LUZP2: variants seen among roughly 807,000 people sequenced by gnomAD.
LUZP2 encodes leucine zipper protein 2.
Under a neutral mutation model 51.6 loss-of-function variants are expected in LUZP2, and 52 were observed. The ratio of observed to expected loss-of-function variants is 1.01; its 90% confidence interval spans 0.81 to 1.27. The LOEUF is 1.27. Among genes scored for constraint, LUZP2 ranks in the 50% most tolerant of loss-of-function variants. The pLI is 0.00. For missense variants in LUZP2, 436 were observed against 395.4 expected (o/e 1.10, Z -0.87); for synonymous variants, 154 against 137.3 (o/e 1.12, Z -0.85).
At chr11:24,889,377 T>C (rs1852775876) in intron 5 of LUZP2, among the ~76,000 whole-genome samples, 2 of 152,188 alleles carry the variant, frequency 1.3e-5, no homozygotes, top group Non-Finnish European at 2.9e-5. Flanking sequence ...GCAAACGACA[T>C]TACCAGGTTC....
intron 1 of LUZP2, among the ~76,000 whole-genome samples, chr11:24,625,681 G>T (rs547285972): frequency 6.6e-6 from 1 of 150,946 alleles, no homozygotes; most frequent in East Asian, 1.9e-4. Context: ...AGAAATATTC[G>T]TTTGAAAAAT....
chr11:24,791,648 A>C (rs554887631), intron 5 of LUZP2, among the ~76,000 whole-genome samples: 1 of 152,094 alleles, frequency 6.6e-6, no homozygotes, highest in Non-Finnish European at 1.5e-5. Flanking sequence ...TTATAAACTA[A>C]ATTTTTCATT....
intron 1 of LUZP2, among the ~76,000 whole-genome samples, chr11:24,582,299 ATTTTTTTTTTT>A (rs67262111): frequency 1.8e-5 from 1 of 54,518 alleles, no homozygotes; most frequent in African/African-American, 7.0e-5. Flanking sequence ...TCCCTAGCTG[ATTTTTTTTTTT>A]TTTTTTTTTT....
chr11:24,683,253 C>A (rs1167055017), intron 1 of LUZP2, among the ~76,000 whole-genome samples: 1 of 152,124 alleles, frequency 6.6e-6, no homozygotes, highest in Non-Finnish European at 1.5e-5. Context: ...ACTTCTTGAG[C>A]AAAGACTAAA....
chr11:24,654,055 AT>A (rs1855722525), intron 1 of LUZP2, among the ~76,000 whole-genome samples: 1 of 152,220 alleles, frequency 6.6e-6, no homozygotes, highest in Non-Finnish European at 1.5e-5. Context: ...ATATAATCTT[AT>A]CTCTATTACT....
At chr11:24,720,758 G>A (rs1004535522) in intron 1 of LUZP2, among the ~76,000 whole-genome samples, 19 of 152,152 alleles carry the variant, frequency 1.2e-4, no homozygotes, top group Admixed American at 9.8e-4. Context: ...GAGTGCAGTG[G>A]CGCGATCTCG....
chr11:24,524,252 A>G (rs1331871708), intron 1 of LUZP2, among the ~76,000 whole-genome samples: 1 of 151,836 alleles, frequency 6.6e-6, no homozygotes, highest in Non-Finnish European at 1.5e-5. Flanking sequence ...GTAATTCAAG[A>G]CATAATCAAC....
At chr11:24,977,329 G>A (rs1470137521) in intron 8 of LUZP2, among the ~76,000 whole-genome samples, 2 of 151,518 alleles carry the variant, frequency 1.3e-5, no homozygotes, top group Non-Finnish European at 3.0e-5. Flanking sequence ...AGAATTATAT[G>A]TATAATATTT....
intron 4 of LUZP2, among the ~76,000 whole-genome samples, chr11:24,742,475 T>A (rs1445996017): frequency 1.3e-5 from 2 of 152,160 alleles, no homozygotes; most frequent in African/African-American, 2.4e-5. Flanking sequence ...TTTTTTCATA[T>A]GTTTATTTGC....
chr11:25,004,170 G>A (rs1343149052), intron 9 of LUZP2, among the ~76,000 whole-genome samples: 1 of 152,158 alleles, frequency 6.6e-6, no homozygotes, highest in East Asian at 1.9e-4. Context: ...CTGGTTGGGG[G>A]CTGCTGACCC....
intron 1 of LUZP2, among the ~76,000 whole-genome samples, chr11:24,598,734 G>T (rs1184050464): frequency 6.6e-6 from 1 of 152,166 alleles, no homozygotes; most frequent in Non-Finnish European, 1.5e-5. Flanking sequence ...CCAGGAATCA[G>T]TCTAGTTTTG....
At chr11:24,675,937 G>T (rs901962728) in intron 1 of LUZP2, among the ~76,000 whole-genome samples, 6 of 151,892 alleles carry the variant, frequency 4.0e-5, no homozygotes, top group African/African-American at 1.5e-4. Context: ...TCATGCCTCA[G>T]CTTCCTGAGC....
intron 10 of LUZP2, among the ~76,000 whole-genome samples, chr11:25,054,060 C>T (rs1858605849): frequency 6.6e-6 from 1 of 152,188 alleles, no homozygotes; most frequent in African/African-American, 2.4e-5. Flanking sequence ...AAAGATATTA[C>T]ATAAATATTC....
At chr11:24,583,405 A>G (rs554773425) in intron 1 of LUZP2, among the ~76,000 whole-genome samples, 2 of 152,250 alleles carry the variant, frequency 1.3e-5, no homozygotes, top group South Asian at 4.1e-4. Flanking sequence ...GTCAACTTTA[A>G]GAGACAGTGT....
chr11:24,630,009 AT>A (rs34855328), intron 1 of LUZP2, among the ~76,000 whole-genome samples: 35,776 of 145,854 alleles, frequency 0.25, 4,861 homozygotes, highest in African/African-American at 0.38. Flanking sequence ...AAAAATGTCT[AT>A]TTTTTTTTTG....
chr11:24,840,053 ATTT>A (rs1382349781), intron 5 of LUZP2, among the ~76,000 whole-genome samples: 3 of 151,704 alleles, frequency 2.0e-5, no homozygotes, highest in Non-Finnish European at 4.4e-5. Context: ...ATAATACAAA[ATTT>A]TTTAAATTTC....
At chr11:24,878,008 T>C (rs139343912) in intron 5 of LUZP2, among the ~76,000 whole-genome samples, 26 of 152,280 alleles carry the variant, frequency 1.7e-4, no homozygotes, top group African/African-American at 6.0e-4. Context: ...TCTTCATCTG[T>C]TGATGGACAC....
At chr11:24,777,325 G>T (rs1222961071) in intron 5 of LUZP2, among the ~76,000 whole-genome samples, 1 of 152,112 alleles carries the variant, frequency 6.6e-6, no homozygotes, top group African/African-American at 2.4e-5. Flanking sequence ...ATAGAGACTG[G>T]ATTTGGGAAG....
chr11:24,912,059 A>G (rs1853651364), intron 6 of LUZP2, among the ~76,000 whole-genome samples: 1 of 152,130 alleles, frequency 6.6e-6, no homozygotes, highest in Non-Finnish European at 1.5e-5. Context: ...ATACAGAATT[A>G]TTAACATATC....
Sources: gnomAD v4.1 joint callset for allele counts (sites outside exome capture counted in the v4.1 genomes callset) on GRCh38, gnomAD v4.1.1 for gene constraint, MANE v1.5 for transcripts, NCBI Gene and HGNC (gene_info 2026-07-23, HGNC 2026-07-21) for gene names.